RAB40C: variants seen among roughly 807,000 people sequenced by gnomAD.
RAB40C encodes the protein RAB40C, member RAS oncogene family.
Under a neutral mutation model 28.1 loss-of-function variants are expected in RAB40C, and 8 were observed. The observed-to-expected ratio is 0.28, with a 90% CI of 0.17 to 0.51. The LOEUF (loss-of-function observed/expected upper bound fraction) is 0.51, where lower values mean the gene tolerates loss of function less well. Among genes scored for constraint, RAB40C ranks in the 20% least tolerant of loss-of-function variants. The pLI is 0.97. For missense variants in RAB40C, 288 were observed against 405.9 expected, an observed-to-expected ratio of 0.71 and a Z score of 2.50; for synonymous variants, 201 against 171.7, an observed-to-expected ratio of 1.17 and a Z score of -1.34.
intron 1 of RAB40C, among the ~76,000 whole-genome samples, chr16:590,910 A>T: frequency 7.0e-6 from 1 of 142,402 alleles, no homozygotes; most frequent in Non-Finnish European, 1.5e-5. Context: ...GTCTGGGAGA[A>T]GGTGTCATAG....
rs1567189531 is a variant in RAB40C at position 610,899 on chromosome 16, C to T, written c.143-6309C>T. Among the ~76,000 whole-genome samples, 1 of 152,254 alleles carries T rather than the reference C, an allele frequency of 6.6e-6. No individual in the cohort carries two copies. The highest frequency in any genetic ancestry group is 1.9e-4 in the East Asian group (1 of 5,172). On this transcript the variant is annotated intron_variant, in intron 1 of 5. Coordinates refer to ENST00000248139, the MANE Select transcript of RAB40C (RefSeq NM_021168.5). This position sits in a 1 kb window ranked among gnomAD's most constrained non-coding sequence, Gnocchi z 4.6. ...GGGGCCCTGTGTGGTCAGAGGGCTC[C>T]ATGTGGTCAGTGGCTGTGGCTTGCT... is the stretch of plus-strand genomic sequence containing the variant.
chr16:619,776 C>T (rs1234304027), intron 3 of RAB40C, among the ~76,000 whole-genome samples: 2 of 152,202 alleles, frequency 1.3e-5, no homozygotes, highest in Admixed American at 6.5e-5. Context: ...CAGGAAGCTG[C>T]CCAGGTGCGA....
At chr16:614,673 C>T (rs535848883) in intron 1 of RAB40C, among the ~76,000 whole-genome samples, 3 of 151,894 alleles carry the variant, frequency 2.0e-5, no homozygotes, top group Non-Finnish European at 2.9e-5. Context: ...AACTTTACCT[C>T]GTCCCGATGG....
intron 3 of RAB40C, among the ~76,000 whole-genome samples, chr16:618,706 G>A (rs2036644112): frequency 6.6e-6 from 1 of 150,792 alleles, no homozygotes; most frequent in Non-Finnish European, 1.5e-5. Context: ...TGTAGTGGGT[G>A]CACTCAGGGC....
At chr16:624,315 C>T (rs1390703488) in intron 3 of RAB40C, 4 of 985,354 alleles carry the variant, frequency 4.1e-6, no homozygotes, top group Non-Finnish European at 4.8e-6. Context: ...CCCTGTGCCC[C>T]AACCTCCAGG....
In RAB40C at chr16:610,812, C is replaced by A. The variant is rs1027144412; in HGVS notation, c.143-6396C>A. Among the ~76,000 whole-genome samples, 1 of 151,988 alleles carries A rather than the reference C, an allele frequency of 6.6e-6. No individual in the cohort carries two copies. Among genetic ancestry groups the A allele is most frequent in the Admixed American group, 6.6e-5 (1 of 15,262 alleles). ...TTGAGACCTTCCAGGCCAAGGGCCC[C>A]CTCCCCAGGATCCTGACACCTGTCC... On this transcript the variant is annotated intron_variant, in intron 1 of 5. Coordinates refer to ENST00000248139, the MANE Select transcript of RAB40C (RefSeq NM_021168.5). This position sits in a 1 kb window ranked among gnomAD's most constrained non-coding sequence, Gnocchi z 4.6.
At chr16:596,312 T>C (rs2036123548) in intron 1 of RAB40C, 1 of 455,994 alleles carries the variant, frequency 2.2e-6, no homozygotes, top group African/African-American at 2.0e-5. Flanking sequence ...TTGTTCTATT[T>C]GAAGATTGCA....
At chr16:614,770 C>T (rs1470098530) in intron 1 of RAB40C, among the ~76,000 whole-genome samples, 2 of 151,848 alleles carry the variant, frequency 1.3e-5, no homozygotes, top group Non-Finnish European at 2.9e-5. Context: ...TGCCGCATCC[C>T]GACGGTGAAC....
At position 613,136 on chromosome 16, in the gene RAB40C, CAA is replaced by C. The variant is rs541483936; in HGVS notation, c.143-4071_143-4070del. Among the ~76,000 whole-genome samples, 376 of 127,492 alleles carry C rather than the reference CAA, an allele frequency of 2.9e-3. 1 individual carries two copies. The highest frequency in any genetic ancestry group is 0.011 in the African/African-American group (351 of 32,110). 83.6% of individuals were successfully genotyped at this position (127,492 alleles called of 152,430 possible). On this transcript the variant is annotated intron_variant, in intron 1 of 5. Transcript: ENST00000248139. ...GGACAGCCGCCCTGGCCTGTAGAAT[CAA>C]GAGCAGGGACAGCCGCCCTGGCCTG...
At chr16:611,687 A>C in intron 1 of RAB40C, among the ~76,000 whole-genome samples, 1 of 123,056 alleles carries the variant, frequency 8.1e-6, no homozygotes. Flanking sequence ...TGGCCTGTAG[A>C]ATCAAGAGCA....
At chr16:603,190 G>C (rs2036291701) in intron 1 of RAB40C, among the ~76,000 whole-genome samples, 1 of 152,224 alleles carries the variant, frequency 6.6e-6, no homozygotes, top group African/African-American at 2.4e-5. Flanking sequence ...CTTGTTGTGG[G>C]TTTTAAGGCG....
At chr16:601,815 TA>T (rs60094426) in intron 1 of RAB40C, among the ~76,000 whole-genome samples, 5,491 of 27,184 alleles carry the variant, frequency 0.2, 238 homozygotes, top group East Asian at 0.49. Context: ...CAAAAAAAAG[TA>T]AAAAAAAAAA....
intron 3 of RAB40C, among the ~76,000 whole-genome samples, chr16:620,891 C>T (rs1004094295): frequency 1.3e-5 from 2 of 152,016 alleles, no homozygotes; most frequent in Admixed American, 6.6e-5. Flanking sequence ...CTGTGGGACA[C>T]GAGGCCAGTA....
intron 1 of RAB40C, among the ~76,000 whole-genome samples, chr16:614,490 C>T (rs900847862): frequency 6.9e-6 from 1 of 144,058 alleles, no homozygotes; most frequent in Non-Finnish European, 1.5e-5. Flanking sequence ...CTAACTCTGC[C>T]GCATCCCGAT....
intron 1 of RAB40C, among the ~76,000 whole-genome samples, chr16:590,696 C>G (rs1382933600): frequency 6.6e-6 from 1 of 152,190 alleles, no homozygotes; most frequent in African/African-American, 2.4e-5. Context: ...GGGACGGTGT[C>G]ACGGGTCCGG....
In RAB40C at chr16:601,387, G is replaced by A. The variant is rs538609723; in HGVS notation, c.142+10954G>A. On this transcript the variant is annotated intron_variant, in intron 1 of 5. Transcript: ENST00000248139. Reference sequence around the variant, plus strand: ...GCTGGGCAGAAGGCTGTTCTGCTCGGGAGCAACAGTGTCCACACGTCAGTT... The same window carrying A: ...GCTGGGCAGAAGGCTGTTCTGCTCGAGAGCAACAGTGTCCACACGTCAGTT... Among the ~76,000 whole-genome samples, 6 of 152,286 alleles carry A rather than the reference G, an allele frequency of 3.9e-5. No individual in the cohort carries two copies. In the East Asian group the frequency reaches 7.7e-4, roughly 20 times the overall value.
At position 611,137 on chromosome 16, in the gene RAB40C, G is replaced by A. The variant is rs74000871; in HGVS notation, c.143-6071G>A. On this transcript the variant is annotated intron_variant, in intron 1 of 5. Coordinates refer to ENST00000248139, the MANE Select transcript of RAB40C (RefSeq NM_021168.5). ...CCAGCGGGAGGAGCATCCCAGAGCA[G>A]CCTCTGATTCAAGAGCAAGGTGCTC... Among the ~76,000 whole-genome samples, 1,264 of 152,332 alleles carry A rather than the reference G, an allele frequency of 8.3e-3. 30 individuals carry two copies. The highest frequency in any genetic ancestry group is 0.029 in the African/African-American group (1,213 of 41,574).
At position 628,602 on chromosome 16, in the gene RAB40C, G is replaced by C. The variant is rs1596423232; in HGVS notation, c.*980G>C. 1 of 152,422 alleles carries C rather than the reference G, an allele frequency of 6.6e-6. No individual in the cohort carries two copies. Among genetic ancestry groups the C allele is most frequent in the Non-Finnish European group, 1.5e-5 (1 of 68,098 alleles). The allele number at this position is 152,422 out of a possible 1,614,324, so 9.4% of individuals were successfully genotyped here. On this transcript the variant is annotated 3_prime_UTR_variant, in exon 6 of 6. Transcript: ENST00000248139. ...CTCGTCCACGTCCACGTCCACCTGG[G>C]GGCCTCGGGAGGCTAGGCCCCTCCT...
chr16:608,370 G>T (rs139197120), intron 1 of RAB40C, among the ~76,000 whole-genome samples: 44 of 152,252 alleles, frequency 2.9e-4, no homozygotes, highest in African/African-American at 1.0e-3. Flanking sequence ...ATTTGGGCGG[G>T]GACACAGCCA....
Sources: gnomAD v4.1 joint callset for allele counts (sites outside exome capture counted in the v4.1 genomes callset) on GRCh38, gnomAD v4.1.1 for gene constraint, Gnocchi (gnomAD v3.1) non-coding constraint, MANE v1.5 for transcripts, NCBI Gene and HGNC (gene_info 2026-07-23, HGNC 2026-07-21) for gene names.